The following MBD2 variants were observed in gnomAD, a reference collection of about 807,000 sequenced individuals.
MBD2 encodes the protein methyl-CpG-binding domain protein 2.
Under a neutral mutation model 39.3 loss-of-function variants are expected in MBD2, and 9 were observed. The observed-to-expected ratio is 0.23, with a 90% confidence interval of 0.14 to 0.40. MBD2 has a LOEUF of 0.40. Among genes scored for constraint, MBD2 ranks in the 10% least tolerant of loss-of-function variants. MBD2 has a pLI of 1.00. For missense variants in MBD2, 458 were observed against 532.6 expected, an observed-to-expected ratio of 0.86 and a Z score of 1.38; for synonymous variants, 233 against 211.1, an observed-to-expected ratio of 1.10 and a Z score of -0.90.
At chr18:54,156,480 G>A (rs76303290) in intron 6 of MBD2, among the ~76,000 whole-genome samples, 1,588 of 152,258 alleles carry the variant, frequency 0.01, 12 homozygotes, top group Non-Finnish European at 0.015. Flanking sequence ...TAAGTATAGT[G>A]CCAGTGCCTA....
At chr18:54,220,699 G>A (rs1260264220) in intron 1 of MBD2, among the ~76,000 whole-genome samples, 2 of 152,142 alleles carry the variant, frequency 1.3e-5, no homozygotes, top group East Asian at 1.9e-4. Context: ...TGAACTAATG[G>A]AATTTTTAAA....
intron 2 of MBD2, among the ~76,000 whole-genome samples, chr18:54,199,489 C>CA (rs1410767254): frequency 6.6e-6 from 1 of 152,140 alleles, no homozygotes. Flanking sequence ...TTATCAATGA[C>CA]AAAAACACTA....
At chr18:54,169,527 C>G (rs1266523629) in intron 3 of MBD2, among the ~76,000 whole-genome samples, 2 of 152,186 alleles carry the variant, frequency 1.3e-5, no homozygotes, top group Non-Finnish European at 2.9e-5. Flanking sequence ...GAGGTCTCCC[C>G]ACTCTATTAC....
At chr18:54,173,169 T>A (rs534546577) in intron 3 of MBD2, among the ~76,000 whole-genome samples, 2 of 152,312 alleles carry the variant, frequency 1.3e-5, no homozygotes, top group African/African-American at 4.8e-5. Context: ...ACGAATATTT[T>A]AAAATTATTC....
At chr18:54,185,743 C>A (rs1206405756) in intron 3 of MBD2, among the ~76,000 whole-genome samples, 2 of 152,048 alleles carry the variant, frequency 1.3e-5, no homozygotes, top group African/African-American at 2.4e-5. Context: ...CTACAGGGGT[C>A]TTTTTAATCT....
chr18:54,152,930 C>T lies in MBD2; in HGVS notation c.*2394G>A, dbSNP rs1300367133. On this transcript the variant is annotated 3_prime_UTR_variant, in exon 7 of 7. Transcript: ENST00000256429. ...AAATCAGGATTCAGACACAGGTTCTCCTAATTTCAAAGTGTGTGCTCTTAA... is the reference window on the plus strand; with the variant it reads ...AAATCAGGATTCAGACACAGGTTCTTCTAATTTCAAAGTGTGTGCTCTTAA... 1.3e-5 allele frequency: 2 copies of T among 152,322 alleles called. No homozygotes were observed. Among genetic ancestry groups the T allele is most frequent in the Middle Eastern group, 3.4e-3 (1 of 294 alleles). The allele number at this position is 152,322 out of a possible 1,614,324, so 9.4% of individuals were successfully genotyped here. A position where few individuals can be genotyped will look rare whatever the true frequency, so the allele number is the denominator to read the frequency against.
intron 1 of MBD2, among the ~76,000 whole-genome samples, chr18:54,221,472 A>T (rs2086612056): frequency 7.7e-6 from 1 of 129,998 alleles, no homozygotes; most frequent in Non-Finnish European, 1.6e-5. Context: ...AAAAAAAAAA[A>T]TTATTAAGTT....
intron 2 of MBD2, among the ~76,000 whole-genome samples, chr18:54,193,913 T>G (rs2086343227): frequency 6.6e-6 from 1 of 152,172 alleles, no homozygotes; most frequent in South Asian, 2.1e-4. Flanking sequence ...CTCTTTCTTT[T>G]TTCAGTGACT....
chr18:54,196,030 G>A (rs2086363579), intron 2 of MBD2, among the ~76,000 whole-genome samples: 1 of 152,168 alleles, frequency 6.6e-6, no homozygotes, highest in Admixed American at 6.5e-5. Flanking sequence ...AATGGAAAGT[G>A]CCTTACAATT....
At chr18:54,174,414 C>G (rs1444291016) in intron 3 of MBD2, among the ~76,000 whole-genome samples, 1 of 152,226 alleles carries the variant, frequency 6.6e-6, no homozygotes, top group Non-Finnish European at 1.5e-5. Context: ...ACTGCAAGCT[C>G]CTCTCTCAGT....
intron 3 of MBD2, among the ~76,000 whole-genome samples, chr18:54,170,942 A>G (rs1229847868): frequency 2.0e-5 from 3 of 152,202 alleles, no homozygotes; most frequent in African/African-American, 7.2e-5. Flanking sequence ...AAAGAACAAT[A>G]ACCAAGGTGG....
intron 1 of MBD2, among the ~76,000 whole-genome samples, chr18:54,206,096 T>C (rs1162708765): frequency 6.6e-6 from 1 of 152,130 alleles, no homozygotes; most frequent in Non-Finnish European, 1.5e-5. Context: ...ACTACTGAAA[T>C]GAGAAAACTA....
At chr18:54,176,743 T>A (rs1221992604) in intron 3 of MBD2, among the ~76,000 whole-genome samples, 1 of 152,180 alleles carries the variant, frequency 6.6e-6, no homozygotes, top group Non-Finnish European at 1.5e-5. Flanking sequence ...AAAGATCAAG[T>A]ATGAGCTACC....
chr18:54,204,575 A>T lies in MBD2; in HGVS notation c.702+423T>A, dbSNP rs150078023. On this transcript the variant is annotated intron_variant, in intron 2 of 6. Coordinates refer to ENST00000256429, the MANE Select transcript of MBD2 (RefSeq NM_003927.5). ...ATTATTCAAAAAGTCATTATCCTCAACATCATCAAAGGTCAAAAAAACACT... is the reference window on the plus strand; with the variant it reads ...ATTATTCAAAAAGTCATTATCCTCATCATCATCAAAGGTCAAAAAAACACT... Among the ~76,000 whole-genome samples, 7 of 152,364 alleles carry T rather than the reference A, an allele frequency of 4.6e-5. No homozygotes were observed. The East Asian group carries it at 9.6e-4, about 21-fold the overall frequency.
At chr18:54,207,569 C>T (rs1408853641) in intron 1 of MBD2, among the ~76,000 whole-genome samples, 1 of 152,008 alleles carries the variant, frequency 6.6e-6, no homozygotes, top group Non-Finnish European at 1.5e-5. Context: ...TTTGCAGACA[C>T]AATGGGATAA....
At chr18:54,161,114 G>T (rs895042210) in intron 5 of MBD2, among the ~76,000 whole-genome samples, 1 of 152,092 alleles carries the variant, frequency 6.6e-6, no homozygotes, top group Admixed American at 6.6e-5. Context: ...ACTCCATAGG[G>T]GCTCAACCAG....
At position 54,212,739 on chromosome 18, in the gene MBD2, G is replaced by A. The variant is rs1402561585; in HGVS notation, c.543-7582C>T. 2.7e-5 allele frequency among the ~76,000 whole-genome samples: 4 copies of A among 150,516 alleles called. No homozygotes were observed. In the East Asian group the frequency reaches 7.7e-4, roughly 29 times the overall value. On this transcript the variant is annotated intron_variant, in intron 1 of 6. Coordinates refer to ENST00000256429, the MANE Select transcript of MBD2 (RefSeq NM_003927.5). ...TGGGCAAGTCAATTTGAGCATTAAA[G>A]AATTTGCTGGTTGGGCAAAGTGGCT... is the stretch of plus-strand genomic sequence containing the variant.
At chr18:54,198,115 G>A (rs1009825163) in intron 2 of MBD2, among the ~76,000 whole-genome samples, 1 of 152,212 alleles carries the variant, frequency 6.6e-6, no homozygotes, top group African/African-American at 2.4e-5. Flanking sequence ...GAAGCCAAGA[G>A]GCAGTTCTTA....
At chr18:54,165,207 T>G (rs1259956009) in intron 4 of MBD2, among the ~76,000 whole-genome samples, 2 of 152,206 alleles carry the variant, frequency 1.3e-5, no homozygotes, top group African/African-American at 4.8e-5. Context: ...GTCTCAGGAT[T>G]CAAAGAAAAA....
Sources: allele counts gnomAD v4.1 joint callset (sites outside exome capture counted in the v4.1 genomes callset), GRCh38; gene constraint gnomAD v4.1.1; transcripts MANE v1.5; gene names NCBI Gene and HGNC (gene_info 2026-07-23, HGNC 2026-07-21).